POLA1: variants seen among roughly 807,000 people sequenced by gnomAD.
POLA1 encodes DNA polymerase alpha 1, catalytic subunit.
A neutral mutation model predicts 124.0 loss-of-function variants in POLA1; 15 were observed. That is an observed-to-expected ratio of 0.12 (90% CI 0.08 to 0.19). The LOEUF is 0.19. POLA1 is among the 10% of genes least tolerant of loss of function. The probability of loss-of-function intolerance (pLI) is 1.00; values close to 1 mark genes in which losing one functional copy is unlikely to be tolerated. For synonymous variants in POLA1, 408 were observed against 389.4 expected (o/e 1.05, Z -0.56); for missense variants, 886 against 1,103.4 (o/e 0.80, Z 2.79).
intron 26 of POLA1, among the ~76,000 whole-genome samples, chrX:24,764,265 G>A (rs1228487652): frequency 1.8e-5 from 2 of 112,257 alleles, no homozygotes; most frequent in Non-Finnish European, 3.8e-5. Context: ...TCTCCTCAGA[G>A]CCTCTTACCT....
chrX:24,855,422 C>T (rs1055012891), intron 34 of POLA1, among the ~76,000 whole-genome samples: 4 of 111,652 alleles, frequency 3.6e-5, no homozygotes, highest in Admixed American at 1.9e-4. Context: ...CTTCCATCTG[C>T]GACCCACCAT....
rs1246842819 is a variant in POLA1 at position 24,721,422 on chromosome X, T to G, written c.1088-1733T>G. On this transcript the variant is annotated intron_variant, in intron 10 of 36. Transcript: ENST00000379068. ...ATGCCAACGGGTTAAATAAGATAGCTTAAAAAAACTCCTTTAATCTCAGAG... is the reference window on the plus strand; with the variant it reads ...ATGCCAACGGGTTAAATAAGATAGCGTAAAAAAACTCCTTTAATCTCAGAG... Among the ~76,000 whole-genome samples, 3 of 112,397 alleles carry G rather than the reference T, an allele frequency of 2.7e-5. No individual in the cohort carries two copies. The East Asian group carries it at 8.4e-4, about 31-fold the overall frequency.
At chrX:24,747,863 T>C (rs938800538) in intron 24 of POLA1, among the ~76,000 whole-genome samples, 2 of 109,716 alleles carry the variant, frequency 1.8e-5, no homozygotes, top group Admixed American at 9.7e-5. Context: ...GCCTCCCAAG[T>C]AGCTGGGACT....
chrX:24,773,093 A>G (rs764614702), intron 26 of POLA1, among the ~76,000 whole-genome samples: 4 of 112,317 alleles, frequency 3.6e-5, no homozygotes, highest in South Asian at 7.4e-4. Flanking sequence ...GGATTGACCA[A>G]TTTTGTTTTT....
At chrX:24,819,063 CT>C (rs1333747656) in intron 30 of POLA1, among the ~76,000 whole-genome samples, 1 of 112,276 alleles carries the variant, frequency 8.9e-6, no homozygotes, top group African/African-American at 3.2e-5. Context: ...TATCAATGAA[CT>C]TTTCCTGTTC....
At chrX:24,897,415 A>C (rs1230504536) in intron 35 of POLA1, among the ~76,000 whole-genome samples, 1 of 82,974 alleles carries the variant, frequency 1.2e-5, no homozygotes. Context: ...TGCTATCCCC[A>C]CTCATCACTG....
intron 25 of POLA1, 144 bp downstream of exon 25, chrX:24,748,604 T>C: frequency 1.8e-6 from 1 of 567,185 alleles, no homozygotes; most frequent in Non-Finnish European, 2.8e-6. Context: ...CTAGAGTGCC[T>C]CAGAATGGAA....
chrX:24,886,184 T>C (rs777160798), intron 34 of POLA1, among the ~76,000 whole-genome samples: 1 of 111,820 alleles, frequency 8.9e-6, no homozygotes, highest in South Asian at 3.8e-4. Context: ...ATTGCTTTTA[T>C]AGTCTTTATG....
intron 35 of POLA1, among the ~76,000 whole-genome samples, chrX:24,899,364 C>A (rs1400308865): frequency 9.0e-6 from 1 of 111,701 alleles, no homozygotes; most frequent in African/African-American, 3.3e-5. Flanking sequence ...GTTTCAACAA[C>A]CCCAAAAAAA....
intron 4 of POLA1, among the ~76,000 whole-genome samples, chrX:24,708,296 A>C (rs2148323974): frequency 9.1e-6 from 1 of 110,092 alleles, no homozygotes; most frequent in South Asian, 4.0e-4. Flanking sequence ...AGTGCTCCAG[A>C]TGATACAGAT....
intron 26 of POLA1, among the ~76,000 whole-genome samples, chrX:24,755,112 G>A (rs1932532068): frequency 8.9e-6 from 1 of 112,190 alleles, no homozygotes; most frequent in African/African-American, 3.2e-5. Flanking sequence ...ATTGATAAGA[G>A]CAGCCATTTA....
chrX:24,942,857 A>T (rs1271935774), intron 36 of POLA1, among the ~76,000 whole-genome samples: 1 of 111,701 alleles, frequency 9.0e-6, no homozygotes, highest in African/African-American at 3.3e-5. Flanking sequence ...CACCACGCCC[A>T]GCTAATTTTT....
chrX:24,714,819 AAG>A, intron 5 of POLA1, 150 bp downstream of exon 5: 1 of 435,233 alleles, frequency 2.3e-6, no homozygotes, highest in Non-Finnish European at 4.0e-6. Flanking sequence ...TAAGTGAATT[AAG>A]GCACCTCAGT....
intron 26 of POLA1, 78 bp from the exon 27 acceptor site, chrX:24,809,820 A>G: frequency 3.4e-6 from 2 of 581,537 alleles, no homozygotes; most frequent in South Asian, 7.1e-5. Flanking sequence ...AATCATTGAA[A>G]GTTACCTATC....
At chrX:24,754,255 T>C (rs778871465) in intron 26 of POLA1, among the ~76,000 whole-genome samples, 384 of 110,455 alleles carry the variant, frequency 3.5e-3, no homozygotes, top group Non-Finnish European at 5.0e-3. Flanking sequence ...TTCTTTCTTT[T>C]TTTTTTTGTG....
intron 35 of POLA1, among the ~76,000 whole-genome samples, chrX:24,918,210 A>C (rs184838335): frequency 9.2e-6 from 1 of 108,735 alleles, no homozygotes; most frequent in African/African-American, 3.3e-5. Context: ...TCACCACCAA[A>C]AAAAAAAAAA....
intron 34 of POLA1, among the ~76,000 whole-genome samples, chrX:24,867,075 CAAT>C (rs776135515): frequency 1.1e-5 from 1 of 93,509 alleles, no homozygotes; most frequent in African/African-American, 3.7e-5. Context: ...ATCAATATCA[CAAT>C]AAAACTTGAT....
chrX:24,751,183 G>A (rs751292905), intron 26 of POLA1, among the ~76,000 whole-genome samples: 6 of 110,936 alleles, frequency 5.4e-5, no homozygotes, highest in Non-Finnish European at 9.4e-5. Context: ...TTGCTGCTGG[G>A]AAATCCCTGT....
At chrX:24,919,379 C>G (rs1168805586) in intron 35 of POLA1, among the ~76,000 whole-genome samples, 1 of 111,109 alleles carries the variant, frequency 9.0e-6, no homozygotes, top group Admixed American at 9.6e-5. Flanking sequence ...ATGCCAGATA[C>G]CGTACTGTTT....
Sources: gnomAD v4.1 joint callset for allele counts (sites outside exome capture counted in the v4.1 genomes callset) on GRCh38, gnomAD v4.1.1 for gene constraint, MANE v1.5 for transcripts, NCBI Gene and HGNC (gene_info 2026-07-23, HGNC 2026-07-21) for gene names.